Variants in NEGR1 observed in about 807,000 individuals in gnomAD.
NEGR1 encodes the protein IgLON family member 4.
In NEGR1, 10 loss-of-function variants were observed where a neutral mutation model predicts 40.9. That is an observed-to-expected ratio of 0.24 (90% CI 0.15 to 0.42). NEGR1 has a LOEUF of 0.42. NEGR1 is among the 10% of genes least tolerant of loss of function. The pLI, the probability that NEGR1 is intolerant of heterozygous loss-of-function variation, is 1.00. For missense variants in NEGR1, 352 were observed against 438.9 expected, an observed-to-expected ratio of 0.80 and a Z score of 1.77; for synonymous variants, 185 against 166.8, an observed-to-expected ratio of 1.11 and a Z score of -0.84.
intron 1 of NEGR1, among the ~76,000 whole-genome samples, chr1:71,979,108 T>C (rs1646332650): frequency 1.3e-5 from 2 of 151,682 alleles, no homozygotes; most frequent in African/African-American, 4.9e-5. Flanking sequence ...AACACAGAAA[T>C]AGAAAACAAA....
intron 2 of NEGR1, among the ~76,000 whole-genome samples, chr1:71,819,417 A>G (rs968677471): frequency 2.0e-5 from 3 of 151,966 alleles, no homozygotes; most frequent in African/African-American, 7.2e-5. Flanking sequence ...TAATATCCTT[A>G]GAGAGGTTCG....
rs540360414 is a variant in NEGR1, at chr1:72,234,019, C to G, written c.176+48300G>C. Among the ~76,000 whole-genome samples, 71 of 152,092 alleles carry G rather than the reference C, an allele frequency of 4.7e-4. 1 individual carries two copies. The highest frequency in any genetic ancestry group is 1.7e-3 in the African/African-American group (70 of 41,512). Reference sequence around the variant, plus strand: ...TATTTTAAGTTCAGGGGTACATGTGCAGGTTTGTTGCATAGGTAAACTTGT... The same window carrying G: ...TATTTTAAGTTCAGGGGTACATGTGGAGGTTTGTTGCATAGGTAAACTTGT... On this transcript the variant is annotated intron_variant, in intron 1 of 6. Transcript: ENST00000357731.
At position 71,685,902 on chromosome 1, in the gene NEGR1, C is replaced by T. The variant is rs190484997; in HGVS notation, c.667+12106G>A. On this transcript the variant is annotated intron_variant, in intron 4 of 6. Coordinates refer to ENST00000357731, the MANE Select transcript of NEGR1 (RefSeq NM_173808.3). ...TGTTTATGCCAATTTTTTGGCATCG[C>T]GACGGAGCTTAGCTGGTTTCAAAAA... 1.1e-4 allele frequency among the ~76,000 whole-genome samples: 16 copies of T among 152,128 alleles called. No individual in the cohort carries two copies. The East Asian group carries it at 3.1e-3, about 29-fold the overall frequency.
intron 1 of NEGR1, among the ~76,000 whole-genome samples, chr1:72,085,522 T>C (rs1648185306): frequency 6.6e-6 from 1 of 152,234 alleles, no homozygotes; most frequent in South Asian, 2.1e-4. Context: ...CATTTATTTC[T>C]TTGTTCTTTT....
intron 2 of NEGR1, among the ~76,000 whole-genome samples, chr1:71,904,141 G>T (rs924208258): frequency 1.3e-5 from 2 of 151,864 alleles, no homozygotes; most frequent in African/African-American, 4.8e-5. Flanking sequence ...AAAAGCAGTT[G>T]TGACAGCATT....
chr1:71,721,848 G>A (rs541512923), intron 3 of NEGR1, among the ~76,000 whole-genome samples: 28 of 152,240 alleles, frequency 1.8e-4, no homozygotes, highest in African/African-American at 6.5e-4. Flanking sequence ...AGACCTTAAT[G>A]TCATCAAAGA....
rs142933940 is a variant in NEGR1 at position 71,675,670 on chromosome 1, C to T, written c.667+22338G>A. Among the ~76,000 whole-genome samples, 78 of 152,004 alleles carry T rather than the reference C, an allele frequency of 5.1e-4. No homozygotes were observed. The East Asian group carries it at 0.011, about 21-fold the overall frequency. On this transcript the variant is annotated intron_variant, in intron 4 of 6. Coordinates refer to ENST00000357731, the MANE Select transcript of NEGR1 (RefSeq NM_173808.3). Reference sequence around the variant, plus strand: ...TTTCAAAGAGATAGTTAGAAACTGACGTGTACTACTAAGAGGAAACCAAAC... The same window carrying T: ...TTTCAAAGAGATAGTTAGAAACTGATGTGTACTACTAAGAGGAAACCAAAC...
chr1:72,230,244 T>C (rs776781428), intron 1 of NEGR1, among the ~76,000 whole-genome samples: 3 of 152,154 alleles, frequency 2.0e-5, no homozygotes, highest in African/African-American at 7.2e-5. Context: ...CTTAAGTTAG[T>C]ACATTCTCCT....
chr1:72,215,375 T>G (rs532406109), intron 1 of NEGR1, among the ~76,000 whole-genome samples: 2 of 152,188 alleles, frequency 1.3e-5, no homozygotes, highest in East Asian at 3.9e-4. Flanking sequence ...GGTATCTAAT[T>G]AAACTAAAGA....
chr1:72,134,964 C>T (rs1038645094), intron 1 of NEGR1, among the ~76,000 whole-genome samples: 3 of 151,242 alleles, frequency 2.0e-5, no homozygotes, highest in South Asian at 2.1e-4. Context: ...CTTGAACTCC[C>T]GACCTCTGGT....
chr1:71,951,853 T>G (rs1192861190), intron 1 of NEGR1, among the ~76,000 whole-genome samples: 1 of 151,950 alleles, frequency 6.6e-6, no homozygotes, highest in Non-Finnish European at 1.5e-5. Flanking sequence ...ATATTTCAAA[T>G]TTTTCATTAT....
At chr1:72,112,050 T>C (rs1221960828) in intron 1 of NEGR1, among the ~76,000 whole-genome samples, 8 of 151,472 alleles carry the variant, frequency 5.3e-5, no homozygotes, top group South Asian at 2.1e-4. Flanking sequence ...ATTGTTAATA[T>C]GAAGAAGGCC....
At chr1:72,054,112 T>C (rs116599546) in intron 1 of NEGR1, among the ~76,000 whole-genome samples, 322 of 151,352 alleles carry the variant, frequency 2.1e-3, no homozygotes, top group Admixed American at 4.4e-3. Context: ...CAGCAAAATA[T>C]CTCCTGCATA....
intron 2 of NEGR1, among the ~76,000 whole-genome samples, chr1:71,855,036 G>A (rs1243880916): frequency 6.6e-6 from 1 of 152,070 alleles, no homozygotes; most frequent in African/African-American, 2.4e-5. Context: ...TCACCTTTCT[G>A]TTGACCTGTG....
At chr1:72,053,910 T>A (rs1647086352) in intron 1 of NEGR1, among the ~76,000 whole-genome samples, 1 of 150,644 alleles carries the variant, frequency 6.6e-6, no homozygotes, top group African/African-American at 2.4e-5. Context: ...TATCAGAACC[T>A]CAACTAGATG....
chr1:71,881,487 A>T (rs1660583040), intron 2 of NEGR1, among the ~76,000 whole-genome samples: 1 of 152,092 alleles, frequency 6.6e-6, no homozygotes, highest in Admixed American at 6.5e-5. Flanking sequence ...ACAGATTTCT[A>T]CATCTACATT....
chr1:72,146,029 C>A (rs114210627), intron 1 of NEGR1, among the ~76,000 whole-genome samples: 1 of 151,976 alleles, frequency 6.6e-6, no homozygotes, highest in Non-Finnish European at 1.5e-5. Context: ...TTTCTCTCCT[C>A]TTTTCTTTTG....
At chr1:72,161,416 C>T (rs1303212181) in intron 1 of NEGR1, among the ~76,000 whole-genome samples, 2 of 151,892 alleles carry the variant, frequency 1.3e-5, no homozygotes, top group Non-Finnish European at 2.9e-5. Flanking sequence ...GATTTTGCCC[C>T]CCAGGGGGCA....
chr1:72,034,850 A>AT (rs1270211284), intron 1 of NEGR1, among the ~76,000 whole-genome samples: 3 of 152,078 alleles, frequency 2.0e-5, no homozygotes, highest in African/African-American at 2.4e-5. Flanking sequence ...GCCCCAAACC[A>AT]TTTTTTCGCT....
Sources: gnomAD v4.1 joint callset for allele counts (sites outside exome capture counted in the v4.1 genomes callset) on GRCh38, gnomAD v4.1.1 for gene constraint, MANE v1.5 for transcripts, NCBI Gene and HGNC (gene_info 2026-07-23, HGNC 2026-07-21) for gene names.